SDK1: variants seen among roughly 807,000 people sequenced by gnomAD.
The protein encoded by SDK1 is sidekick cell adhesion molecule 1.
A neutral mutation model predicts 245.5 loss-of-function variants in SDK1; 157 were observed. The observed-to-expected ratio is 0.64, with a 90% confidence interval of 0.56 to 0.73. The LOEUF (loss-of-function observed/expected upper bound fraction) is 0.73. Among genes scored for constraint, SDK1 ranks in the 30% least tolerant of loss-of-function variants. The pLI is 0.00. For synonymous variants in SDK1, 1,647 were observed against 1,278.5 expected (o/e 1.29, Z -6.15); for missense variants, 3,583 against 3,002.3 (o/e 1.19, Z -4.52).
chr7:4,144,484 G>A (rs1779814223), intron 28 of SDK1, among the ~76,000 whole-genome samples: 1 of 152,022 alleles, frequency 6.6e-6, no homozygotes, highest in Non-Finnish European at 1.5e-5. Context: ...TGATGCCTGG[G>A]GCCTGATGTG....
At chr7:3,698,968 G>C (rs771626715) in intron 4 of SDK1, among the ~76,000 whole-genome samples, 7 of 152,182 alleles carry the variant, frequency 4.6e-5, no homozygotes, top group Non-Finnish European at 8.8e-5. Flanking sequence ...GACATCAGCA[G>C]AGAGGCCCAG....
At chr7:3,999,942 C>T (rs1218156395) in intron 14 of SDK1, among the ~76,000 whole-genome samples, 2 of 152,118 alleles carry the variant, frequency 1.3e-5, no homozygotes, top group Admixed American at 6.5e-5. Flanking sequence ...TCTTGTACAA[C>T]AAAGAGCTGC....
intron 5 of SDK1, among the ~76,000 whole-genome samples, chr7:3,889,927 GA>G (rs796289275): frequency 1.3e-4 from 20 of 152,282 alleles, no homozygotes; most frequent in African/African-American, 4.6e-4. Flanking sequence ...AACCTTCCAG[GA>G]AACTCCCCGC....
intron 2 of SDK1, among the ~76,000 whole-genome samples, chr7:3,624,396 A>G (rs1782047488): frequency 6.6e-6 from 1 of 152,066 alleles, no homozygotes; most frequent in Non-Finnish European, 1.5e-5. Flanking sequence ...ATGGGGTTGC[A>G]CTGTGTTGCC....
At chr7:3,843,360 C>T (rs190475329) in intron 5 of SDK1, among the ~76,000 whole-genome samples, 1 of 152,324 alleles carries the variant, frequency 6.6e-6, no homozygotes, top group East Asian at 1.9e-4. Context: ...TATTTTGTAA[C>T]TGCAGATGGG....
intron 1 of SDK1, among the ~76,000 whole-genome samples, chr7:3,485,490 C>T (rs556514796): frequency 6.2e-4 from 95 of 152,198 alleles, no homozygotes; most frequent in African/African-American, 2.2e-3. Context: ...CCAGGCTGTG[C>T]TGCCTGGGGA....
chr7:4,002,084 C>T (rs936842261), intron 14 of SDK1, among the ~76,000 whole-genome samples: 5 of 152,370 alleles, frequency 3.3e-5, no homozygotes, highest in African/African-American at 1.2e-4. Flanking sequence ...TTCCTTTTGT[C>T]ACTGTCAGAG....
intron 5 of SDK1, among the ~76,000 whole-genome samples, chr7:3,933,123 C>CTTTTTTTT (rs11364780): frequency 1.2e-5 from 1 of 83,256 alleles, no homozygotes; most frequent in African/African-American, 5.6e-5. Flanking sequence ...GCTCCTGGAT[C>CTTTTTTTT]TTTTTTTTTT....
intron 14 of SDK1, among the ~76,000 whole-genome samples, chr7:3,998,239 C>G (rs80017834): frequency 1.3e-5 from 2 of 152,236 alleles, no homozygotes; most frequent in Non-Finnish European, 2.9e-5. Context: ...CACTTGTCCC[C>G]GGCTCCTATG....
intron 1 of SDK1, among the ~76,000 whole-genome samples, chr7:3,442,330 A>C (rs1453605668): frequency 6.6e-6 from 1 of 152,214 alleles, no homozygotes; most frequent in Non-Finnish European, 1.5e-5. Flanking sequence ...TGTATGTGTC[A>C]GGTAGCTGGA....
intron 4 of SDK1, among the ~76,000 whole-genome samples, chr7:3,777,736 A>G (rs553667980): frequency 1.2e-4 from 18 of 152,240 alleles, no homozygotes; most frequent in African/African-American, 3.9e-4. Flanking sequence ...TTACTTTGCA[A>G]TCATTATCAT....
At chr7:3,884,069 T>A (rs1227610523) in intron 5 of SDK1, among the ~76,000 whole-genome samples, 69 of 143,416 alleles carry the variant, frequency 4.8e-4, no homozygotes, top group African/African-American at 1.7e-3. Flanking sequence ...TGTTTTTTGT[T>A]TGTTTGTTTT....
chr7:4,243,683 G>T (rs1354872906), intron 43 of SDK1, among the ~76,000 whole-genome samples: 1 of 152,176 alleles, frequency 6.6e-6, no homozygotes, highest in Non-Finnish European at 1.5e-5. Context: ...CATGATTCAA[G>T]TACCTCCCAC....
intron 1 of SDK1, among the ~76,000 whole-genome samples, chr7:3,527,477 C>T (rs1783179957): frequency 6.6e-6 from 1 of 152,190 alleles, no homozygotes; most frequent in Non-Finnish European, 1.5e-5. Context: ...AGCAGCAAGT[C>T]AAGAGGCCCT....
intron 38 of SDK1, among the ~76,000 whole-genome samples, chr7:4,218,589 G>C (rs1016605008): frequency 6.6e-6 from 1 of 152,188 alleles, no homozygotes; most frequent in African/African-American, 2.4e-5. Flanking sequence ...GCTTTGTTCT[G>C]TTCTGAAGTG....
chr7:4,167,650 A>G (rs780093446), intron 32 of SDK1, among the ~76,000 whole-genome samples: 2 of 152,232 alleles, frequency 1.3e-5, no homozygotes, highest in African/African-American at 4.8e-5. Flanking sequence ...AGCATCCGCC[A>G]TGGCTGAGGC....
chr7:3,670,125 T>A (rs73300217), intron 4 of SDK1, among the ~76,000 whole-genome samples: 2,807 of 152,316 alleles, frequency 0.018, 93 homozygotes, highest in African/African-American at 0.063. Context: ...CTCTACCTTG[T>A]TTCCCTATGT....
chr7:3,830,517 A>G (rs902869921), intron 5 of SDK1, among the ~76,000 whole-genome samples: 5 of 152,112 alleles, frequency 3.3e-5, no homozygotes, highest in Admixed American at 3.3e-4. Context: ...GTTTTTGGAG[A>G]CAGGGTCTTG....
chr7:3,958,181 A>G, intron 7 of SDK1: 1 of 338,128 alleles, frequency 3.0e-6, no homozygotes, highest in Non-Finnish European at 5.8e-6. Context: ...AGTGAACACA[A>G]CAGCCTTTTG....
Sources: gnomAD v4.1 joint callset for allele counts (sites outside exome capture counted in the v4.1 genomes callset) on GRCh38, gnomAD v4.1.1 for gene constraint, MANE v1.5 for transcripts, NCBI Gene and HGNC (gene_info 2026-07-23, HGNC 2026-07-21) for gene names.